The following TXLNB variants were observed in gnomAD, a reference collection of about 807,000 sequenced individuals.
TXLNB encodes the protein taxilin beta, also known as beta-taxilin.
Under a neutral mutation model 57.4 loss-of-function variants are expected in TXLNB, and 37 were observed. The ratio of observed to expected loss-of-function variants is 0.64; its 90% CI spans 0.50 to 0.85. The LOEUF (loss-of-function observed/expected upper bound fraction) is 0.85, where lower values mean the gene tolerates loss of function less well. TXLNB is among the 40% of genes least tolerant of loss of function. TXLNB has a pLI of 0.00. For synonymous variants in TXLNB, 302 were observed against 309.6 expected (o/e 0.98, Z 0.26); for missense variants, 848 against 825.6 (o/e 1.03, Z -0.33).
chr6:139,219,697 C>G, the TXLNB span, among the ~76,000 whole-genome samples: 1 of 152,162 alleles, frequency 6.6e-6, no homozygotes. Flanking sequence ...AGACGGCAGG[C>G]AGGCCTTTCC....
At chr6:139,194,473 C>G in the TXLNB span, among the ~76,000 whole-genome samples, 5 of 152,324 alleles carry the variant, frequency 3.3e-5, no homozygotes, top group South Asian at 1.0e-3. Flanking sequence ...CTGACAAGTC[C>G]AATTGCTTAG....
Position 139,285,404 on chromosome 6 carries a change from G to C in TXLNB, c.424+3072C>G, listed in dbSNP as rs572910365. ...CCTCTGGAATGAGATTTTGTATATT[G>C]TCTTACGGAAACTTGAATAATGACT... On this transcript the variant is annotated intron_variant, in intron 2 of 9. Coordinates refer to ENST00000358430, the MANE Select transcript of TXLNB (RefSeq NM_153235.4). 9.8e-5 allele frequency among the ~76,000 whole-genome samples: 14 copies of C among 143,092 alleles called. 1 individual carries two copies. The highest frequency in any genetic ancestry group is 2.7e-4 in the Admixed American group (4 of 14,560). 93.9% of individuals were successfully genotyped at this position (143,092 alleles called of 152,430 possible). A position where few individuals can be genotyped will look rare whatever the true frequency, so the allele number is the denominator to read the frequency against.
At chr6:139,290,991 T>A (rs1466908259) in intron 1 of TXLNB, among the ~76,000 whole-genome samples, 2 of 152,206 alleles carry the variant, frequency 1.3e-5, no homozygotes, top group Non-Finnish European at 2.9e-5. Flanking sequence ...TTAGAGGAAG[T>A]ACTTTTTTTC....
intron 7 of TXLNB, among the ~76,000 whole-genome samples, chr6:139,251,224 T>G (rs893893543): frequency 6.6e-6 from 1 of 152,248 alleles, no homozygotes; most frequent in Non-Finnish European, 1.5e-5. Flanking sequence ...CCTAACCATT[T>G]TTAAGTGTAT....
At chr6:139,293,938 C>G (rs1484760568), upstream of TXLNB, among the ~76,000 whole-genome samples, 7 of 152,072 alleles carry the variant, frequency 4.6e-5, no homozygotes. Context: ...GCAAACTGAC[C>G]CGATCACATC....
At chr6:139,167,431 G>A in the TXLNB span, 61 of 952,628 alleles carry the variant, frequency 6.4e-5, no homozygotes, top group South Asian at 9.7e-4. Context: ...TTGTTTTTTT[G>A]TTCTAGTCAG....
chr6:139,320,541 A>G, the TXLNB span, among the ~76,000 whole-genome samples: 1 of 152,210 alleles, frequency 6.6e-6, no homozygotes, highest in African/African-American at 2.4e-5. Flanking sequence ...CTGGAAATCA[A>G]ATGGGTTCCT....
At chr6:139,263,280 A>C (rs111787674) in intron 4 of TXLNB, among the ~76,000 whole-genome samples, 2,282 of 152,318 alleles carry the variant, frequency 0.015, 58 homozygotes, top group African/African-American at 0.052. Flanking sequence ...AAAATTTTCT[A>C]TTTGTGAGAA....
chr6:139,207,466 T>C, the TXLNB span, among the ~76,000 whole-genome samples: 4 of 152,178 alleles, frequency 2.6e-5, no homozygotes, highest in Non-Finnish European at 4.4e-5. Context: ...TCAAAACCTC[T>C]GGGATACAGC....
At chr6:139,207,727 C>A in the TXLNB span, among the ~76,000 whole-genome samples, 1 of 152,152 alleles carries the variant, frequency 6.6e-6, no homozygotes, top group Non-Finnish European at 1.5e-5. Flanking sequence ...AATTGATGGC[C>A]CGTTAGTGAG....
the TXLNB span, among the ~76,000 whole-genome samples, chr6:139,217,880 A>AG: frequency 1.3e-5 from 2 of 151,678 alleles, no homozygotes; most frequent in African/African-American, 2.4e-5. Context: ...AAAAAAAAAA[A>AG]AAAAAAAGAA....
chr6:139,215,951 A>G, the TXLNB span, among the ~76,000 whole-genome samples: 8 of 151,804 alleles, frequency 5.3e-5, no homozygotes, highest in African/African-American at 1.2e-4. Flanking sequence ...TTAGAATGGC[A>G]ATCATTAAAA....
intron 4 of TXLNB, among the ~76,000 whole-genome samples, chr6:139,264,923 G>C (rs1049675574): frequency 1.3e-5 from 2 of 152,096 alleles, no homozygotes; most frequent in Admixed American, 1.3e-4. Context: ...TGAGTCCATT[G>C]TTAGAAGGAT....
the TXLNB span, among the ~76,000 whole-genome samples, chr6:139,311,370 A>G: frequency 6.6e-6 from 1 of 152,214 alleles, no homozygotes; most frequent in Non-Finnish European, 1.5e-5. Context: ...TTAGTTATAC[A>G]AATGTAAATC....
the TXLNB span, among the ~76,000 whole-genome samples, chr6:139,311,797 C>T: frequency 6.6e-6 from 1 of 152,110 alleles, no homozygotes; most frequent in Non-Finnish European, 1.5e-5. Flanking sequence ...AGCAAAGTAC[C>T]GTAGGCTGGA....
the TXLNB span, among the ~76,000 whole-genome samples, chr6:139,219,591 A>C: frequency 6.6e-6 from 1 of 152,294 alleles, no homozygotes; most frequent in Non-Finnish European, 1.5e-5. Context: ...ATGAGACTGG[A>C]GACGTCAGGA....
At chr6:139,203,219 C>T in the TXLNB span, among the ~76,000 whole-genome samples, 21 of 152,120 alleles carry the variant, frequency 1.4e-4, no homozygotes, top group South Asian at 6.2e-4. Context: ...ATTTTCTTTC[C>T]TTTGGATAAA....
chr6:139,187,691 G>C, the TXLNB span, among the ~76,000 whole-genome samples: 1 of 152,178 alleles, frequency 6.6e-6, no homozygotes, highest in Non-Finnish European at 1.5e-5. Context: ...CTGATAGCGA[G>C]GAGGCTCCCA....
intron 3 of TXLNB, among the ~76,000 whole-genome samples, chr6:139,271,177 G>T (rs1431188637): frequency 6.6e-6 from 1 of 152,120 alleles, no homozygotes; most frequent in African/African-American, 2.4e-5. Context: ...TGTGGGAAAG[G>T]AGAAGAGAAA....
Sources: allele counts gnomAD v4.1 joint callset (sites outside exome capture counted in the v4.1 genomes callset), GRCh38; gene constraint gnomAD v4.1.1; transcripts MANE v1.5; gene names NCBI Gene and HGNC (gene_info 2026-07-23, HGNC 2026-07-21).